CDH13: variants seen among roughly 807,000 people sequenced by gnomAD.
CDH13 encodes the protein cadherin-13.
CDH13 carries 24 observed loss-of-function variants against 63.8 expected under a neutral mutation model. That is an observed-to-expected ratio of 0.38 (90% CI 0.27 to 0.53). The LOEUF (loss-of-function observed/expected upper bound fraction) is 0.53. Among genes scored for constraint, CDH13 ranks in the 20% least tolerant of loss-of-function variants. CDH13 has a pLI of 0.85. For missense variants in CDH13, 1,049 were observed against 903.1 expected (o/e 1.16, Z -2.07); for synonymous variants, 503 against 355.3 (o/e 1.42, Z -4.67).
chr16:82,708,850 A>G (rs1423045595), intron 1 of CDH13, among the ~76,000 whole-genome samples: 1 of 152,130 alleles, frequency 6.6e-6, no homozygotes, highest in Non-Finnish European at 1.5e-5. Flanking sequence ...GTGAGAAAGT[A>G]CTCTGTGGAG....
chr16:82,893,095 A>G (rs1013146474), intron 2 of CDH13, among the ~76,000 whole-genome samples: 5 of 152,272 alleles, frequency 3.3e-5, no homozygotes, highest in African/African-American at 4.8e-5. Flanking sequence ...GTGAACAACC[A>G]TGATTCCTGA....
intron 3 of CDH13, among the ~76,000 whole-genome samples, chr16:83,067,848 C>A (rs765086989): frequency 2.0e-5 from 3 of 152,122 alleles, no homozygotes; most frequent in Non-Finnish European, 4.4e-5. Context: ...CTCTAGATAC[C>A]GGAATGTCTC....
intron 6 of CDH13, among the ~76,000 whole-genome samples, chr16:83,444,432 A>G (rs887421039): frequency 6.6e-6 from 1 of 152,196 alleles, no homozygotes; most frequent in Admixed American, 6.5e-5. Context: ...CAAGGACAAT[A>G]CTTCTTAAAT....
At chr16:82,853,122 A>G (rs1231290959) in intron 1 of CDH13, among the ~76,000 whole-genome samples, 1 of 152,118 alleles carries the variant, frequency 6.6e-6, no homozygotes, top group African/African-American at 2.4e-5. Context: ...TGGAAGAGAG[A>G]TCTCTGAGCT....
chr16:83,559,806 A>G (rs1260619489), intron 7 of CDH13, among the ~76,000 whole-genome samples: 1 of 152,160 alleles, frequency 6.6e-6, no homozygotes, highest in Admixed American at 6.6e-5. Flanking sequence ...CAAGAAGCCG[A>G]AGGCACCACA....
chr16:83,040,874 A>C (rs1917272157), intron 3 of CDH13, among the ~76,000 whole-genome samples: 1 of 152,218 alleles, frequency 6.6e-6, no homozygotes. Flanking sequence ...TCAGCTAATG[A>C]ACGAGGCAAA....
Position 82,698,442 on chromosome 16 carries a change from C to T in CDH13, c.45+71305C>T, listed in dbSNP as rs377293763. 5.3e-5 allele frequency among the ~76,000 whole-genome samples: 8 copies of T among 152,358 alleles called. No individual in the cohort carries two copies. In the East Asian group the frequency reaches 1.3e-3, roughly 26 times the overall value. Reference sequence around the variant, plus strand: ...CTACAAAACCTTGGTAGTATATTAACAAGCAGTGCTCACTGCCCATGCATA... The same window carrying T: ...CTACAAAACCTTGGTAGTATATTAATAAGCAGTGCTCACTGCCCATGCATA... On this transcript the variant is annotated intron_variant, in intron 1 of 13. Coordinates refer to ENST00000567109, the MANE Select transcript of CDH13 (RefSeq NM_001257.5).
At chr16:83,627,129 A>C (rs966121360) in intron 8 of CDH13, among the ~76,000 whole-genome samples, 25 of 150,114 alleles carry the variant, frequency 1.7e-4, no homozygotes, top group East Asian at 5.9e-4. Context: ...CTAAAATACA[A>C]AAAAAAAAAA....
intron 13 of CDH13, among the ~76,000 whole-genome samples, chr16:83,792,972 C>G (rs138301508): frequency 1.3e-5 from 2 of 152,300 alleles, no homozygotes; most frequent in African/African-American, 4.8e-5. Context: ...ATCTGAAGTT[C>G]TTAGCAGAGG....
chr16:83,784,141 C>G (rs1033069065), intron 13 of CDH13, among the ~76,000 whole-genome samples: 6 of 152,166 alleles, frequency 3.9e-5, no homozygotes, highest in African/African-American at 1.2e-4. Context: ...ATCCAAAAGC[C>G]TTTTGGGCCT....
In CDH13 at chr16:83,009,785, A is replaced by G. The variant is rs375890126; in HGVS notation, c.158-22225A>G. On this transcript the variant is annotated intron_variant, in intron 2 of 13. Transcript: ENST00000567109. ...AAATTAAATATTATCAAGTGTTGTCACACTTGAGCATGAACAAATACAGAC... is the reference window on the plus strand; with the variant it reads ...AAATTAAATATTATCAAGTGTTGTCGCACTTGAGCATGAACAAATACAGAC... 8.5e-5 allele frequency among the ~76,000 whole-genome samples: 13 copies of G among 152,362 alleles called. No homozygotes were observed. In the East Asian group the frequency reaches 1.5e-3, roughly 18 times the overall value.
intron 1 of CDH13, among the ~76,000 whole-genome samples, chr16:82,798,938 C>T (rs1488516744): frequency 6.6e-6 from 1 of 152,066 alleles, no homozygotes; most frequent in African/African-American, 2.4e-5. Context: ...AACTGAGGCC[C>T]AGAAAGGTGC....
chr16:83,794,833 G>C lies in CDH13; in HGVS notation c.2135-190G>C, dbSNP rs149935069. 7.1e-4 allele frequency among the ~76,000 whole-genome samples: 108 copies of C among 152,084 alleles called. 1 individual carries two copies. The East Asian group carries it at 0.019, about 26-fold the overall frequency. ...CCATTAGCATTTTCAGAGAAGTCCAGCTTTTTACCATATAACCATTCATTC... is the reference window on the plus strand; with the variant it reads ...CCATTAGCATTTTCAGAGAAGTCCACCTTTTTACCATATAACCATTCATTC... On this transcript the variant is annotated intron_variant, in intron 13 of 13. Transcript: ENST00000567109.
chr16:82,665,293 A>G (rs1261688232), intron 1 of CDH13, among the ~76,000 whole-genome samples: 1 of 152,178 alleles, frequency 6.6e-6, no homozygotes, highest in African/African-American at 2.4e-5. Context: ...TCTGACTGAG[A>G]AAATGCATGT....
At chr16:83,079,985 C>T (rs1409969776) in intron 3 of CDH13, among the ~76,000 whole-genome samples, 1 of 152,196 alleles carries the variant, frequency 6.6e-6, no homozygotes, top group African/African-American at 2.4e-5. Flanking sequence ...TTTAAAAGTA[C>T]TTTCACGTTT....
intron 10 of CDH13, among the ~76,000 whole-genome samples, chr16:83,715,353 T>C (rs1184484135): frequency 6.6e-6 from 1 of 152,192 alleles, no homozygotes; most frequent in Non-Finnish European, 1.5e-5. Flanking sequence ...ATCCATCTAC[T>C]TTATCCTCAC....
At chr16:83,244,686 T>G (rs1444775476) in intron 5 of CDH13, among the ~76,000 whole-genome samples, 1 of 152,108 alleles carries the variant, frequency 6.6e-6, no homozygotes, top group African/African-American at 2.4e-5. Flanking sequence ...GTGAAAAGAT[T>G]CCAAGCAAAA....
chr16:83,169,236 G>A (rs2037818155), intron 4 of CDH13, among the ~76,000 whole-genome samples: 1 of 151,770 alleles, frequency 6.6e-6, no homozygotes, highest in Non-Finnish European at 1.5e-5. Flanking sequence ...GAGTGCAGTG[G>A]CGGGATCTTG....
rs1198492936 is a variant in CDH13 at position 82,761,031 on chromosome 16, T to C, written c.46-97331T>C. On this transcript the variant is annotated intron_variant, in intron 1 of 13. Transcript: ENST00000567109. ...TTTCTTTCTTTCTTTTTTTTTTTTT[T>C]TTTTTTTTTTTTTTTGGAGTCTCAC... 4.0e-4 allele frequency among the ~76,000 whole-genome samples: 47 copies of C among 116,718 alleles called. 2 individuals are homozygous for C. Among genetic ancestry groups the C allele is most frequent in the African/African-American group, 1.2e-3 (39 of 31,428 alleles). The allele number at this position is 116,718 out of a possible 152,430, so 76.6% of individuals were successfully genotyped here.
Sources: allele counts gnomAD v4.1 joint callset (sites outside exome capture counted in the v4.1 genomes callset), GRCh38; gene constraint gnomAD v4.1.1; transcripts MANE v1.5; gene names NCBI Gene and HGNC (gene_info 2026-07-23, HGNC 2026-07-21).